MYPN: variants seen among roughly 807,000 people sequenced by gnomAD.
MYPN encodes myopalladin.
Under a neutral mutation model 129.4 loss-of-function variants are expected in MYPN, and 63 were observed. The ratio of observed to expected loss-of-function variants is 0.49; its 90% confidence interval spans 0.40 to 0.60. The LOEUF (loss-of-function observed/expected upper bound fraction) is 0.60, where lower values mean the gene tolerates loss of function less well. Among genes scored for constraint, MYPN ranks in the 20% least tolerant of loss-of-function variants. The pLI is 0.00. For synonymous variants in MYPN, 629 were observed against 600.9 expected (o/e 1.05, Z -0.68); for missense variants, 1,596 against 1,635.4 (o/e 0.98, Z 0.42).
chr10:68,161,701 C>T (rs1330331891), intron 7 of MYPN, 28 bp from the exon 8 acceptor site: 3 of 1,599,696 alleles, frequency 1.9e-6, no homozygotes, highest in Non-Finnish European at 2.6e-6. Context: ...AATAAATGCT[C>T]AGAATCTTTT....
At chr10:68,138,408 T>C (rs1402342331) in intron 2 of MYPN, among the ~76,000 whole-genome samples, 1 of 151,432 alleles carries the variant, frequency 6.6e-6, no homozygotes, top group African/African-American at 2.4e-5. Flanking sequence ...GGCCTCTTTT[T>C]CTTTCTTGTT....
intron 18 of MYPN, among the ~76,000 whole-genome samples, chr10:68,204,723 CT>C (rs562388530): frequency 0.024 from 803 of 33,402 alleles, 5 homozygotes; most frequent in Non-Finnish European, 0.046. Flanking sequence ...GAGACTCTGT[CT>C]CAAAAAAAAA....
intron 16 of MYPN, among the ~76,000 whole-genome samples, chr10:68,197,903 T>G (rs569684092): frequency 1.3e-5 from 2 of 152,098 alleles, no homozygotes; most frequent in Non-Finnish European, 2.9e-5. Context: ...GCAGGTAGCA[T>G]AGACAGTGTG....
Position 68,145,530 on chromosome 10 carries a change from A to T in MYPN, c.1130+4A>T, listed in dbSNP as rs1477124809. ...CTAACAAGGAAGAGATGAATCGGTA[A>T]TTCTGATTTTCTGTCTTATAGCTTT... On this transcript the variant is annotated splice_donor_region_variant and intron_variant, in intron 4 of 19. Transcript: ENST00000358913. 6.2e-7 allele frequency: 1 copy of T among 1,611,764 alleles called. No homozygotes were observed. Among genetic ancestry groups the T allele is most frequent in the Admixed American group, 1.7e-5 (1 of 59,970 alleles).
At chr10:68,119,868 GGC>G (rs1397492931) in intron 1 of MYPN, among the ~76,000 whole-genome samples, 1 of 152,118 alleles carries the variant, frequency 6.6e-6, no homozygotes, top group African/African-American at 2.4e-5. Context: ...TTCTCAAGGT[GGC>G]TGCCTACTTT....
intron 1 of MYPN, among the ~76,000 whole-genome samples, chr10:68,113,941 T>C (rs1194249572): frequency 6.6e-6 from 1 of 152,150 alleles, no homozygotes; most frequent in Admixed American, 6.5e-5. Context: ...CAAGAATACA[T>C]TACATTATTA....
Position 68,181,265 on chromosome 10 carries a change from A to G in MYPN, c.2703+5804A>G, listed in dbSNP as rs73267153. On this transcript the variant is annotated intron_variant, in intron 12 of 19. Coordinates refer to ENST00000358913, the MANE Select transcript of MYPN (RefSeq NM_032578.4). The stretch of plus-strand genomic sequence containing the variant: ...ATTGATAGTGAAACATTTGTGCAGA[A>G]CAGTGCAGAAAATACCTTTACATTT... 2.7e-3 allele frequency among the ~76,000 whole-genome samples: 405 copies of G among 152,266 alleles called. 3 individuals carry two copies. The highest frequency in any genetic ancestry group is 9.2e-3 in the African/African-American group (382 of 41,558).
At chr10:68,172,942 A>C (rs1253928639) in intron 10 of MYPN, among the ~76,000 whole-genome samples, 2 of 152,136 alleles carry the variant, frequency 1.3e-5, no homozygotes, top group Non-Finnish European at 2.9e-5. Flanking sequence ...GCATGGTGGC[A>C]GACACCTGTG....
intron 2 of MYPN, among the ~76,000 whole-genome samples, chr10:68,122,850 C>T (rs1270423095): frequency 1.3e-5 from 2 of 151,838 alleles, no homozygotes; most frequent in African/African-American, 2.4e-5. Flanking sequence ...TGCGGTGAGC[C>T]GAGATCGCGC....
intron 1 of MYPN, among the ~76,000 whole-genome samples, chr10:68,119,770 T>G (rs1203484796): frequency 1.3e-5 from 2 of 152,210 alleles, no homozygotes; most frequent in African/African-American, 4.8e-5. Flanking sequence ...TCCAAATAAG[T>G]AGCTCTAGTA....
chr10:68,116,593 G>T (rs530250463), intron 1 of MYPN, among the ~76,000 whole-genome samples: 200 of 152,128 alleles, frequency 1.3e-3, no homozygotes, highest in African/African-American at 4.7e-3. Flanking sequence ...AAAATTAGCC[G>T]GGCATGGTGG....
chr10:68,169,835 G>A (rs918145416), intron 10 of MYPN, among the ~76,000 whole-genome samples: 2 of 151,936 alleles, frequency 1.3e-5, no homozygotes, highest in East Asian at 1.9e-4. Flanking sequence ...TGCCTTCCGG[G>A]TTCAAGCAAT....
chr10:68,136,151 A>G (rs2042484203), intron 2 of MYPN: 1 of 903,150 alleles, frequency 1.1e-6, no homozygotes, highest in Non-Finnish European at 1.3e-6. Context: ...ATAAAGAGCC[A>G]AAAGTCCAGT....
At chr10:68,157,019 T>C (rs1287565825) in intron 6 of MYPN, among the ~76,000 whole-genome samples, 1 of 152,204 alleles carries the variant, frequency 6.6e-6, no homozygotes, top group Non-Finnish European at 1.5e-5. Context: ...GAATGTATTG[T>C]TTTCAGCTCA....
intron 18 of MYPN, among the ~76,000 whole-genome samples, chr10:68,202,754 C>A (rs1388742125): frequency 6.6e-6 from 1 of 151,216 alleles, no homozygotes; most frequent in Non-Finnish European, 1.5e-5. Flanking sequence ...ACAAAACTTT[C>A]TACTGAGAAT....
At chr10:68,091,643 CA>C (rs2041931724) in intron 1 of MYPN, among the ~76,000 whole-genome samples, 1 of 151,804 alleles carries the variant, frequency 6.6e-6, no homozygotes, top group South Asian at 2.1e-4. Flanking sequence ...GATCTGCCCC[CA>C]CTTAGCCTCC....
rs1458929239 is a variant in MYPN at position 68,122,116 on chromosome 10, C to T, written c.678C>T (p.His226=). The T allele has an allele frequency of 2.5e-6, 4 of 1,614,002 alleles. No homozygotes were observed. The highest frequency in any genetic ancestry group is 1.7e-5 in the Admixed American group (1 of 60,010). ...ATACCAGGGATAATGAAGTGAATCA[C>T]GCCCTGGAACAGCAGGAAGCCAAGA... is the stretch of plus-strand genomic sequence containing the variant. ...PADTRDNEVN[H]ALEQQEAKRR... is the part of the protein sequence containing the mutation. The change falls in exon 2 of 20, where the codon CAC becomes CAT. Residue 226 remains histidine, a synonymous_variant. Coordinates refer to ENST00000358913, the MANE Select transcript of MYPN (RefSeq NM_032578.4).
chr10:68,106,738 A>G (rs1408290038), upstream of MYPN: 14 of 717,210 alleles, frequency 2.0e-5, no homozygotes, highest in Admixed American at 4.0e-5. Flanking sequence ...CTTACCGTCC[A>G]AGTGAAGACT....
chr10:68,166,569 G>T lies in MYPN; in HGVS notation c.1876G>T (p.Asp626Tyr). Reference protein sequence around the residue: ...GVVTTRQTRPDSFQERFNGQA... With the variant: ...GVVTTRQTRPYSFQERFNGQA... ...GGTGACCACCAGACAGACCAGGCCC[G>T]ATTCTTTCCAGGAGAGGTTCAACGG... Residue 626 changes from aspartate (D) to tyrosine (Y), a missense_variant, in exon 10 of 20, where the codon GAT (aspartate) becomes TAT (tyrosine). By Grantham distance (160) the Asp-to-Tyr change is radical. Coordinates refer to ENST00000358913, the MANE Select transcript of MYPN (RefSeq NM_032578.4). 6.2e-7 allele frequency: 1 copy of T among 1,614,104 alleles called. No homozygotes were observed. Among genetic ancestry groups the T allele is most frequent in the South Asian group, 1.1e-5 (1 of 91,076 alleles).
Sources: allele counts gnomAD v4.1 joint callset (sites outside exome capture counted in the v4.1 genomes callset), GRCh38; gene constraint gnomAD v4.1.1; transcripts MANE v1.5; gene names NCBI Gene and HGNC (gene_info 2026-07-23, HGNC 2026-07-21).